ZNF703: variants seen among roughly 807,000 people sequenced by gnomAD.
ZNF703 encodes the protein NocA-like zinc finger 1.
A neutral mutation model predicts 30.7 loss-of-function variants in ZNF703; 18 were observed. The observed-to-expected ratio is 0.59, with a 90% CI of 0.40 to 0.87. The LOEUF (loss-of-function observed/expected upper bound fraction) is 0.87, where lower values mean the gene tolerates loss of function less well. ZNF703 is among the 40% of genes least tolerant of loss of function. The probability of loss-of-function intolerance (pLI) is 0.00; values close to 1 mark genes in which losing one functional copy is unlikely to be tolerated. For synonymous variants in ZNF703, 457 were observed against 438.6 expected, an observed-to-expected ratio of 1.04 and a Z score of -0.52; for missense variants, 814 against 847.8, an observed-to-expected ratio of 0.96 and a Z score of 0.50.
chr8:37,697,985 C>A lies in ZNF703; in HGVS notation c.1084C>A (p.Pro362Thr), dbSNP rs1162513196. The change falls in exon 2 of 2, where the codon CCG becomes ACG. Residue 362 changes from proline (P) to threonine (T), a missense_variant. By Grantham distance (38) the Pro-to-Thr change is conservative. Coordinates refer to ENST00000331569, the MANE Select transcript of ZNF703 (RefSeq NM_025069.3). Reference sequence around the variant, plus strand: ...GCCGGGCAAGCCCCCCAGCTCCAGCCCGCTCACCGGGGCCTCCCCGCCCTC... The same window carrying A: ...GCCGGGCAAGCCCCCCAGCTCCAGCACGCTCACCGGGGCCTCCCCGCCCTC... ...LPPGKPPSSS[P>T]LTGASPPSFL... The A allele has an allele frequency of 6.4e-7, 1 of 1,562,856 alleles. No homozygotes were observed. Among genetic ancestry groups the A allele is most frequent in the Non-Finnish European group, 8.6e-7 (1 of 1,161,202 alleles).
Position 37,696,164 on chromosome 8 carries a change from ACCT to A in ZNF703, c.189_191del (p.Leu64del). The stretch of plus-strand genomic sequence containing the variant: ...AAGATGCTGAGCGCTCACACCGGTC[ACCT>A]CCTGCACCCGGAGTACCTGCAGCCG... On this transcript the variant is annotated inframe_deletion, in exon 1 of 2. Coordinates refer to ENST00000331569, the MANE Select transcript of ZNF703 (RefSeq NM_025069.3). The surrounding 1 kb of genome is among the most constrained non-coding windows in gnomAD (Gnocchi z 8.2). 1 of 1,611,424 alleles carries A rather than the reference ACCT, an allele frequency of 6.2e-7. No individual in the cohort carries two copies. Among genetic ancestry groups the A allele is most frequent in the Non-Finnish European group, 8.5e-7 (1 of 1,179,330 alleles).
Position 37,697,519 on chromosome 8 carries a change from A to C in ZNF703, c.618A>C (p.Gly206=). ...SAACPPFPPH[G]APVSASSSSS... ...CCTGCCCGCCCTTTCCCCCGCATGG[A>C]GCGCCGGTCTCCGCATCCTCGTCCT... is the stretch of plus-strand genomic sequence containing the variant. The change falls in exon 2 of 2, where the codon GGA becomes GGC. Residue 206 remains glycine (G), a synonymous_variant. Transcript: ENST00000331569. The C allele has an allele frequency of 5.3e-6, 8 of 1,516,764 alleles. No individual in the cohort carries two copies. The highest frequency in any genetic ancestry group is 6.2e-6 in the Non-Finnish European group (7 of 1,137,544). The allele number at this position is 1,516,764 out of a possible 1,614,324, so 94.0% of individuals were successfully genotyped here.
rs1377136147 is a variant in ZNF703 at position 37,696,961 on chromosome 8, C to T, written c.244-184C>T. ...GCAGGGCCTGCGGCGCACCCCGGGA[C>T]CCAGCGGCAGTGTGGGCGCAGTTCC... On this transcript the variant is annotated intron_variant, in intron 1 of 1. Transcript: ENST00000331569. The surrounding 1 kb of genome is among the most constrained non-coding windows in gnomAD (Gnocchi z 8.2). Among the ~76,000 whole-genome samples the T allele has an allele frequency of 6.6e-6, 1 of 152,078 alleles. No homozygotes were observed. Among genetic ancestry groups the T allele is most frequent in the Non-Finnish European group, 1.5e-5 (1 of 67,994 alleles).
Position 37,699,836 on chromosome 8 carries a change from C to G in ZNF703, c.*1162C>G, listed in dbSNP as rs1802139923. On this transcript the variant is annotated 3_prime_UTR_variant, in exon 2 of 2. Coordinates refer to ENST00000331569, the MANE Select transcript of ZNF703 (RefSeq NM_025069.3). ...CTCGGATCACAGCAGCCCCCGCCCT[C>G]TCCTAGGCCTGGCCCGGCAGAGCCC... 4 of 152,282 alleles carry G rather than the reference C, an allele frequency of 2.6e-5. No individual in the cohort carries two copies. The highest frequency in any genetic ancestry group is 2.6e-4 in the Admixed American group (4 of 15,286). 9.4% of individuals were successfully genotyped at this position (152,282 alleles called of 1,614,324 possible). A position where few individuals can be genotyped will look rare whatever the true frequency, so the allele number is the denominator to read the frequency against.
At position 37,696,050 on chromosome 8, in the gene ZNF703, G is replaced by C. The variant is rs1050535076; in HGVS notation, c.71G>C (p.Gly24Ala). The C allele has an allele frequency of 7.1e-6, 11 of 1,553,532 alleles. No homozygotes were observed. Among genetic ancestry groups the C allele is most frequent in the East Asian group, 2.4e-5 (1 of 40,934 alleles). The change falls in exon 1 of 2, where the codon GGG (glycine) becomes GCG (alanine). Residue 24 changes from glycine to alanine, a missense_variant. Gly to Ala is a moderately conservative substitution (Grantham distance 60). Coordinates refer to ENST00000331569, the MANE Select transcript of ZNF703 (RefSeq NM_025069.3). This position sits in a 1 kb window ranked among gnomAD's most constrained non-coding sequence, Gnocchi z 8.2. ...AGCGGCAGCGGCAGCGGCGGCGGCG[G>C]GAAGAGGCCGGCGGTGCCGGCAGCG... is the stretch of plus-strand genomic sequence containing the variant. ...ESSGSGSGGG[G>A]KRPAVPAAVS...
Position 37,698,269 on chromosome 8 carries a change from C to A in ZNF703, c.1368C>A (p.His456Gln). ...TGCTGCAGAACGAACCGCTGCCGCA[C>A]AGCTGCAACTGGGTGGCAGCCAGTG... ...GFMLQNEPLP[H>Q]SCNWVAASGP... is the part of the protein sequence containing the mutation. Residue 456 changes from histidine to glutamine, a missense_variant, in exon 2 of 2, where the codon CAC (histidine) becomes CAA (glutamine). By Grantham distance (24) the His-to-Gln change is conservative. Transcript: ENST00000331569. The A allele has an allele frequency of 6.5e-7, 1 of 1,539,884 alleles. No individual in the cohort carries two copies. The highest frequency in any genetic ancestry group is 1.4e-5 in the African/African-American group (1 of 72,214).
At position 37,697,446 on chromosome 8, in the gene ZNF703, C is replaced by A. The variant is rs1802090186; in HGVS notation, c.545C>A (p.Ser182Tyr). The change falls in exon 2 of 2, where the codon TCC becomes TAC. Residue 182 changes from serine to tyrosine, a missense_variant. By Grantham distance (144) the Ser-to-Tyr change is moderately radical (BLOSUM62 -2). Transcript: ENST00000331569. Reference sequence around the variant, plus strand: ...TCGGTGTCTTCCACCTCCTCCTCGTCCTCCTCGTCCCCGGGAGACAAGGCG... The same window carrying A: ...TCGGTGTCTTCCACCTCCTCCTCGTACTCCTCGTCCCCGGGAGACAAGGCG... ...SSSVSSTSSS[S>Y]SSSPGDKAGF... 1.3e-6 allele frequency: 2 copies of A among 1,542,988 alleles called. No homozygotes were observed. Among genetic ancestry groups the A allele is most frequent in the Admixed American group, 3.9e-5 (2 of 50,702 alleles).
chr8:37,698,847 C>A lies in ZNF703; in HGVS notation c.*173C>A. On this transcript the variant is annotated 3_prime_UTR_variant, in exon 2 of 2. Transcript: ENST00000331569. ...ATTTACTATAATGTTAGCTTACAAG[C>A]TGGGAATATAAGTGCATTAACGGCC... 1.9e-6 allele frequency: 1 copy of A among 521,012 alleles called. No homozygotes were observed. The highest frequency in any genetic ancestry group is 3.0e-6 in the Non-Finnish European group (1 of 332,122). The allele number at this position is 521,012 out of a possible 1,614,324, so 32.3% of individuals were successfully genotyped here. A position where few individuals can be genotyped will look rare whatever the true frequency, so the allele number is the denominator to read the frequency against.
Position 37,698,167 on chromosome 8 carries a change from G to T in ZNF703, c.1266G>T (p.Pro422=). The T allele has an allele frequency of 3.3e-6, 5 of 1,513,848 alleles. No individual in the cohort carries two copies. Among genetic ancestry groups the T allele is most frequent in the Non-Finnish European group, 3.5e-6 (4 of 1,133,872 alleles). The allele number at this position is 1,513,848 out of a possible 1,614,324, so 93.8% of individuals were successfully genotyped here. ...ACCCGCTGGTGTACCCCGGGCACCC[G>T]CTGCAGCCCGCCGCGCTCTCGTCCA... is the stretch of plus-strand genomic sequence containing the variant. ...GGYPLVYPGH[P]LQPAALSSSA... The change falls in exon 2 of 2, where the codon CCG becomes CCT. Residue 422 remains proline, a synonymous_variant. Coordinates refer to ENST00000331569, the MANE Select transcript of ZNF703 (RefSeq NM_025069.3).
Position 37,695,953 on chromosome 8 carries a change from C to A in ZNF703, c.-27C>A, listed in dbSNP as rs759353478. On this transcript the variant is annotated 5_prime_UTR_variant, in exon 1 of 2. Transcript: ENST00000331569. The stretch of plus-strand genomic sequence containing the variant: ...CCCCGGTGCTCCCCCGCCCTCCCCG[C>A]CCCCCCAGCGGCGCTGCCTCCTCCA... The A allele has an allele frequency of 6.2e-6, 9 of 1,462,840 alleles. No individual in the cohort carries two copies. The Admixed American group carries it at 9.5e-5, about 15-fold the overall frequency. The allele number at this position is 1,462,840 out of a possible 1,614,324, so 90.6% of individuals were successfully genotyped here.
rs540281736 is a variant in ZNF703 at position 37,697,565 on chromosome 8, C to T, written c.664C>T (p.Arg222Cys). The T allele has an allele frequency of 1.1e-4, 166 of 1,467,444 alleles. No homozygotes were observed. In the African/African-American group the frequency reaches 2.3e-3, roughly 20 times the overall value. 90.9% of individuals were successfully genotyped at this position (1,467,444 alleles called of 1,614,324 possible). A position where few individuals can be genotyped will look rare whatever the true frequency, so the allele number is the denominator to read the frequency against. Residue 222 changes from arginine to cysteine, a missense_variant, in exon 2 of 2, where the codon CGC (arginine) becomes TGC (cysteine). By Grantham distance (180) the Arg-to-Cys change is radical (BLOSUM62 -3). Transcript: ENST00000331569. ...SSSSSSPGGS[R>C]GGSPHHSDCK... is the part of the protein sequence containing the mutation. ...GTCCTCGTCGTCGCCCGGCGGCTCCCGCGGCGGCTCCCCGCACCACTCTGA... is the reference window on the plus strand; with the variant it reads ...GTCCTCGTCGTCGCCCGGCGGCTCCTGCGGCGGCTCCCCGCACCACTCTGA...
Position 37,698,059 on chromosome 8 carries a change from C to A in ZNF703, c.1158C>A (p.His386Gln). The stretch of plus-strand genomic sequence containing the variant: ...ACCCCTATTGCTTGGGAGGTTACCA[C>A]GGCGCCTCGCACCTCGGCGGCTCCA... Reference protein sequence around the residue: ...CRDPYCLGGYHGASHLGGSSC... With the variant: ...CRDPYCLGGYQGASHLGGSSC... The change falls in exon 2 of 2, where the codon CAC becomes CAA. Residue 386 changes from histidine to glutamine, a missense_variant. His to Gln is a conservative substitution (Grantham distance 24). Coordinates refer to ENST00000331569, the MANE Select transcript of ZNF703 (RefSeq NM_025069.3). 2 of 1,554,720 alleles carry A rather than the reference C, an allele frequency of 1.3e-6. No homozygotes were observed. Among genetic ancestry groups the A allele is most frequent in the Non-Finnish European group, 1.7e-6 (2 of 1,157,760 alleles).
At position 37,698,415 on chromosome 8, in the gene ZNF703, G is replaced by T. The variant is rs1802113000; in HGVS notation, c.1514G>T (p.Ser505Ile). ...AAYPGASGLG[S>I]AAAAAAAAAS... is the part of the protein sequence containing the mutation. ...TACCCCGGGGCCTCGGGCCTGGGCAGCGCCGCCGCCGCCGCCGCCGCCGCC... is the reference window on the plus strand; with the variant it reads ...TACCCCGGGGCCTCGGGCCTGGGCATCGCCGCCGCCGCCGCCGCCGCCGCC... Residue 505 changes from serine (S) to isoleucine (I), a missense_variant, in exon 2 of 2, where the codon AGC (serine) becomes ATC (isoleucine). By Grantham distance (142) the Ser-to-Ile change is moderately radical (BLOSUM62 -2). Coordinates refer to ENST00000331569, the MANE Select transcript of ZNF703 (RefSeq NM_025069.3). 6.8e-7 allele frequency: 1 copy of T among 1,474,048 alleles called. No individual in the cohort carries two copies. Among genetic ancestry groups the T allele is most frequent in the South Asian group, 1.4e-5 (1 of 73,646 alleles). 91.3% of individuals were successfully genotyped at this position (1,474,048 alleles called of 1,614,324 possible).
In ZNF703 at chr8:37,696,193, C is replaced by A; in HGVS notation, c.214C>A (p.Leu72Met). The change falls in exon 1 of 2, where the codon CTG becomes ATG. Residue 72 changes from leucine (L) to methionine (M), a missense_variant. Leu to Met is a conservative substitution (Grantham distance 15, BLOSUM62 2). Transcript: ENST00000331569. This position sits in a 1 kb window ranked among gnomAD's most constrained non-coding sequence, Gnocchi z 8.2. ...HLLHPEYLQP[L>M]SSTPVSPIEL... is the part of the protein sequence containing the mutation. ...CCTGCACCCGGAGTACCTGCAGCCG[C>A]TGTCCTCCACTCCCGTCAGCCCCAT... 1 of 1,611,440 alleles carries A rather than the reference C, an allele frequency of 6.2e-7. No individual in the cohort carries two copies. The highest frequency in any genetic ancestry group is 8.5e-7 in the Non-Finnish European group (1 of 1,179,242).
In ZNF703 at chr8:37,697,375, C is replaced by G; in HGVS notation, c.474C>G (p.Ser158=). 1 of 1,557,126 alleles carries G rather than the reference C, an allele frequency of 6.4e-7. No individual in the cohort carries two copies. Among genetic ancestry groups the G allele is most frequent in the Non-Finnish European group, 8.7e-7 (1 of 1,152,098 alleles). Residue 158 remains serine, a synonymous_variant, in exon 2 of 2, where the codon TCC becomes TCG. Coordinates refer to ENST00000331569, the MANE Select transcript of ZNF703 (RefSeq NM_025069.3). ...AEDKSSFKPY[S]KGSGGGDSRK... The stretch of plus-strand genomic sequence containing the variant: ...ACAAGTCCAGCTTCAAGCCCTACTC[C>G]AAGGGCTCCGGCGGCGGCGACTCCC...
At position 37,695,783 on chromosome 8, in the gene ZNF703, G is replaced by A. The variant is rs780327579; in HGVS notation, c.-197G>A. 1,785 of 493,198 alleles carry A rather than the reference G, an allele frequency of 3.6e-3. 8 individuals are homozygous for A. Among genetic ancestry groups the A allele is most frequent in the Non-Finnish European group, 4.3e-3 (1,240 of 290,036 alleles). The allele number at this position is 493,198 out of a possible 1,614,324, so 30.6% of individuals were successfully genotyped here. ...GACGTGCGGCTCGAGGAAGGCGAAGGTTTTTGTGTTGCTAGCCGGGGCCAG... is the reference window on the plus strand; with the variant it reads ...GACGTGCGGCTCGAGGAAGGCGAAGATTTTTGTGTTGCTAGCCGGGGCCAG... On this transcript the variant is annotated 5_prime_UTR_variant, in exon 1 of 2. Coordinates refer to ENST00000331569, the MANE Select transcript of ZNF703 (RefSeq NM_025069.3).
rs573264516 is a variant in ZNF703 at position 37,697,564 on chromosome 8, C to T, written c.663C>T (p.Ser221=). 2.0e-4 allele frequency: 299 copies of T among 1,469,748 alleles called. No homozygotes were observed. The highest frequency in any genetic ancestry group is 2.4e-4 in the Non-Finnish European group (272 of 1,116,154). 91.0% of individuals were successfully genotyped at this position (1,469,748 alleles called of 1,614,324 possible). ...CGTCCTCGTCGTCGCCCGGCGGCTC[C>T]CGCGGCGGCTCCCCGCACCACTCTG... The part of the protein sequence containing the change: ...ASSSSSSPGG[S]RGGSPHHSDC... Residue 221 remains serine (S), a synonymous_variant, in exon 2 of 2, where the codon TCC becomes TCT. Transcript: ENST00000331569.
At position 37,698,051 on chromosome 8, in the gene ZNF703, G is replaced by A. The variant is rs1802103238; in HGVS notation, c.1150G>A (p.Gly384Ser). The part of the protein sequence containing the change: ...GLCRDPYCLG[G>S]YHGASHLGGS... ...ATGCCGCGACCCCTATTGCTTGGGA[G>A]GTTACCACGGCGCCTCGCACCTCGG... Residue 384 changes from glycine to serine, a missense_variant, in exon 2 of 2, where the codon GGT becomes AGT. Physicochemically the swap from Gly to Ser is moderately conservative, Grantham distance 56 (BLOSUM62 0). Coordinates refer to ENST00000331569, the MANE Select transcript of ZNF703 (RefSeq NM_025069.3). 1 of 1,516,712 alleles carries A rather than the reference G, an allele frequency of 6.6e-7. No homozygotes were observed. The highest frequency in any genetic ancestry group is 1.7e-4 in the Middle Eastern group (1 of 5,872). 94.0% of individuals were successfully genotyped at this position (1,516,712 alleles called of 1,614,324 possible). A position where few individuals can be genotyped will look rare whatever the true frequency, so the allele number is the denominator to read the frequency against.
Position 37,698,737 on chromosome 8 carries a change from A to G in ZNF703, c.*63A>G, listed in dbSNP as rs1420631710. ...TCCCTCTCCCTCCTCCTCCCTCCCC[A>G]CCTGCCGTCGCCGCTGCAACCTCCA... is the stretch of plus-strand genomic sequence containing the variant. On this transcript the variant is annotated 3_prime_UTR_variant, in exon 2 of 2. Transcript: ENST00000331569. 2.7e-6 allele frequency: 3 copies of G among 1,118,600 alleles called. No individual in the cohort carries two copies. The highest frequency in any genetic ancestry group is 3.3e-6 in the Non-Finnish European group (3 of 919,252). The allele number at this position is 1,118,600 out of a possible 1,614,324, so 69.3% of individuals were successfully genotyped here. A position where few individuals can be genotyped will look rare whatever the true frequency, so the allele number is the denominator to read the frequency against.
Sources: allele counts gnomAD v4.1 joint callset (sites outside exome capture counted in the v4.1 genomes callset), GRCh38; gene constraint gnomAD v4.1.1; non-coding constraint Gnocchi (gnomAD v3.1); transcripts MANE v1.5; gene names NCBI Gene and HGNC (gene_info 2026-07-23, HGNC 2026-07-21).